Variants in GON4L observed in about 807,000 individuals in gnomAD.
The protein encoded by GON4L is gon-4 like.
GON4L carries 87 observed loss-of-function variants against 211.8 expected under a neutral mutation model. The observed-to-expected ratio is 0.41, with a 90% CI of 0.35 to 0.49. The LOEUF (loss-of-function observed/expected upper bound fraction) is 0.49. GON4L is among the 20% of genes least tolerant of loss of function. The pLI, the probability that GON4L is intolerant of heterozygous loss-of-function variation, is 0.15. For synonymous variants in GON4L, 875 were observed against 962.6 expected (o/e 0.91, Z 1.68); for missense variants, 2,155 against 2,659.5 (o/e 0.81, Z 4.17).
At chr1:155,773,454 T>A in intron 17 of GON4L, 2 of 523,256 alleles carry the variant, frequency 3.8e-6, no homozygotes, top group South Asian at 2.2e-5. Flanking sequence ...CTTTATTCAC[T>A]AAGTAAAACA....
chr1:155,849,143 CAAAAAAAAAAAAAAAAA>C (rs764161223), intron 2 of GON4L, among the ~76,000 whole-genome samples: 2 of 120,086 alleles, frequency 1.7e-5, no homozygotes, highest in Admixed American at 8.3e-5. Context: ...GACTCCATCT[CAAAAAAAAAAAAAAAAA>C]AAAAAAAAAA....
At chr1:155,752,763 A>G (rs922846487) in intron 29 of GON4L, among the ~76,000 whole-genome samples, 173 bp from the exon 30 acceptor site, 1 of 152,178 alleles carries the variant, frequency 6.6e-6, no homozygotes, top group Non-Finnish European at 1.5e-5. Flanking sequence ...TGGGACTGCC[A>G]GGGGTTTGAG....
chr1:155,801,039 AACCCACTCGGGTC>A (rs1666606766), intron 11 of GON4L, among the ~76,000 whole-genome samples: 2 of 148,914 alleles, frequency 1.3e-5, no homozygotes, highest in African/African-American at 5.0e-5. Flanking sequence ...GTCCTTGGGC[AACCCACTCGGGTC>A]CCCTACCACG....
intron 11 of GON4L, among the ~76,000 whole-genome samples, chr1:155,797,184 A>G (rs9426937): frequency 0.94 from 142,155 of 151,914 alleles, 67,270 homozygotes; most frequent in East Asian, 1. Flanking sequence ...GCTCGATCTC[A>G]GCTCACTGCA....
intron 2 of GON4L, among the ~76,000 whole-genome samples, chr1:155,851,635 G>C (rs1240533617): frequency 6.6e-6 from 1 of 151,742 alleles, no homozygotes; most frequent in Non-Finnish European, 1.5e-5. Flanking sequence ...AGAATCACTT[G>C]AACAGGGGAG....
chr1:155,745,335 C>T (rs1290357463), downstream of GON4L, among the ~76,000 whole-genome samples: 1 of 152,206 alleles, frequency 6.6e-6, no homozygotes, highest in Non-Finnish European at 1.5e-5. Flanking sequence ...GGTCAGTCCA[C>T]GGGGATCTGT....
intron 14 of GON4L, 22 bp from the exon 15 acceptor site, chr1:155,777,842 C>G (rs896802096): frequency 6.7e-7 from 1 of 1,497,390 alleles, no homozygotes; most frequent in Non-Finnish European, 9.3e-7. Flanking sequence ...AGGGAGATGA[C>G]TGAATTTGAG....
intron 6 of GON4L, among the ~76,000 whole-genome samples, chr1:155,819,760 G>A (rs1362312019): frequency 6.6e-6 from 1 of 152,196 alleles, no homozygotes; most frequent in Non-Finnish European, 1.5e-5. Context: ...CAAAGAGCTT[G>A]CTGCACAGAA....
rs1024838886 is a variant in GON4L, at chr1:155,795,610, T to C, written c.1646-459A>G. On this transcript the variant is annotated intron_variant, in intron 11 of 31. Transcript: ENST00000368331. ...GTGCAAACATGACTCTCAAAGGGAA[T>C]AGCCATTGGAGCATTTCAGATTTCA... 5.3e-5 allele frequency among the ~76,000 whole-genome samples: 8 copies of C among 151,860 alleles called. No homozygotes were observed. The East Asian group carries it at 9.7e-4, about 18-fold the overall frequency.
At position 155,766,148 on chromosome 1, in the gene GON4L, T is replaced by C; in HGVS notation, c.3325A>G (p.Lys1109Glu). ...CGTCTCACATATGGCTTTCGAAACT[T>C]AGAAGGGGCAAGGGAGGGCAGCATT... Reference protein sequence around the residue: ...KVMLPSLAPSKFRKPYVRRRP... With the variant: ...KVMLPSLAPSEFRKPYVRRRP... Residue 1109 changes from lysine (K) to glutamate (E), a missense_variant, in exon 21 of 32, where the codon AAG becomes GAG. Physicochemically the swap from Lys to Glu is moderately conservative, Grantham distance 56 (BLOSUM62 1). Coordinates refer to ENST00000368331, the MANE Select transcript of GON4L (RefSeq NM_001282860.2). The C allele has an allele frequency of 4.3e-6, 7 of 1,613,988 alleles. No individual in the cohort carries two copies. Among genetic ancestry groups the C allele is most frequent in the Non-Finnish European group, 5.9e-6 (7 of 1,179,984 alleles).
At position 155,777,766 on chromosome 1, in the gene GON4L, C is replaced by T; in HGVS notation, c.1947G>A (p.Glu649=). The change falls in exon 15 of 32, where the codon GAG becomes GAA. Residue 649 remains glutamate, a synonymous_variant. Transcript: ENST00000368331. Reference sequence around the variant, plus strand: ...TCTTCATCTTCAGCTGTTCAAATAGCTCCTTCACTGTCCGATGTTGTTCAT... The same window carrying T: ...TCTTCATCTTCAGCTGTTCAAATAGTTCCTTCACTGTCCGATGTTGTTCAT... ...LLNEQHRTVK[E]LFEQLKMKKS... is the part of the protein sequence containing the mutation. The T allele has an allele frequency of 1.2e-6, 2 of 1,613,598 alleles. No homozygotes were observed. The highest frequency in any genetic ancestry group is 1.7e-6 in the Non-Finnish European group (2 of 1,179,544).
At position 155,765,300 on chromosome 1, in the gene GON4L, T is replaced by C; in HGVS notation, c.4173A>G (p.Ser1391=). 3.1e-6 allele frequency: 5 copies of C among 1,614,204 alleles called. No individual in the cohort carries two copies. The South Asian group carries it at 4.4e-5, about 14-fold the overall frequency. The stretch of plus-strand genomic sequence containing the variant: ...CTTCATCAGGGGGCTCTTGAGAAGA[T>C]GAAGGGGTTTTAGTTGGCTGACTCC... The part of the protein sequence containing the change: ...EERSQPTKTP[S]SSQEPPDEGT... Residue 1391 remains serine, a synonymous_variant, in exon 21 of 32, where the codon TCA becomes TCG. Transcript: ENST00000368331.
At position 155,853,622 on chromosome 1, in the gene GON4L, A is replaced by G. The variant is rs144577873; in HGVS notation, c.159T>C (p.His53=). ...SSVSLSWDPS[H]GRVAGFEVQS... is the part of the protein sequence containing the mutation. Reference sequence around the variant, plus strand: ...GTACTTCGAAGCCAGCTACTCTGCCATGACTTGGATCCCAGGATAGTGACA... The same window carrying G: ...GTACTTCGAAGCCAGCTACTCTGCCGTGACTTGGATCCCAGGATAGTGACA... Residue 53 remains histidine (H), a synonymous_variant, in exon 2 of 32, where the codon CAT becomes CAC. Transcript: ENST00000368331. 25 of 1,614,056 alleles carry G rather than the reference A, an allele frequency of 1.5e-5. No individual in the cohort carries two copies. The highest frequency in any genetic ancestry group is 2.0e-5 in the Non-Finnish European group (24 of 1,180,010).
In GON4L at chr1:155,765,838, G is replaced by A; in HGVS notation, c.3635C>T (p.Ser1212Phe). 1.2e-6 allele frequency: 2 copies of A among 1,614,192 alleles called. No individual in the cohort carries two copies. Among genetic ancestry groups the A allele is most frequent in the Non-Finnish European group, 8.5e-7 (1 of 1,180,038 alleles). The stretch of plus-strand genomic sequence containing the variant: ...GGTGGATGGTATAGGAAGATTCACA[G>A]AATTGCCAGAAACAATTAAGGGTGA... The part of the protein sequence containing the change: ...SVSPLIVSGN[S>F]VNLPIPSTPE... The change falls in exon 21 of 32, where the codon TCT becomes TTT. Residue 1212 changes from serine to phenylalanine, a missense_variant. Ser to Phe is a radical substitution (Grantham distance 155, BLOSUM62 -2). This residue lies in a region of GON4L where 615 missense variants were observed against 625.7 expected (regional missense o/e 0.98). Coordinates refer to ENST00000368331, the MANE Select transcript of GON4L (RefSeq NM_001282860.2).
chr1:155,773,349 C>G, intron 17 of GON4L, 139 bp from the exon 18 acceptor site: 5 of 875,778 alleles, frequency 5.7e-6, no homozygotes, highest in East Asian at 5.3e-5. Flanking sequence ...ACCATCCCCC[C>G]AAAAGTTTCC....
chr1:155,760,550 GC>G lies in GON4L; in HGVS notation c.5002del (p.Ala1668LeufsTer2), dbSNP rs1661680880. On this transcript the variant is annotated frameshift_variant, in exon 24 of 32. Coordinates refer to ENST00000368331, the MANE Select transcript of GON4L (RefSeq NM_001282860.2). LOFTEE classifies it high-confidence loss of function. ...EFESSTQRRT[A>X]VDLYKSLQIL... ...TTGCAGGCTTTTGTAGAGATCTACA[GC>G]CGTCCGTCTCTGGGTACTTGACTCA... 6.2e-7 allele frequency: 1 copy of G among 1,612,434 alleles called. No homozygotes were observed. Among genetic ancestry groups the G allele is most frequent in the Non-Finnish European group, 8.5e-7 (1 of 1,178,594 alleles).
At chr1:155,756,863 A>T (rs1266784144) in intron 27 of GON4L, 95 bp downstream of exon 27, 1 of 841,440 alleles carries the variant, frequency 1.2e-6, no homozygotes, top group African/African-American at 1.7e-5. Context: ...TGGGAGGTGG[A>T]GGTTGCAGTG....
intron 19 of GON4L, 29 bp downstream of exon 19, chr1:155,771,038 C>A: frequency 6.2e-7 from 1 of 1,613,986 alleles, no homozygotes; most frequent in Non-Finnish European, 8.5e-7. Flanking sequence ...TGGTGAGGTG[C>A]CCGGATGGCG....
rs906922727 is a variant in GON4L at position 155,749,929 on chromosome 1, A to C, written c.*655T>G. 264 of 1,397,334 alleles carry C rather than the reference A, an allele frequency of 1.9e-4. No homozygotes were observed. Among genetic ancestry groups the C allele is most frequent in the Non-Finnish European group, 2.4e-4 (250 of 1,044,978 alleles). 86.6% of individuals were successfully genotyped at this position (1,397,334 alleles called of 1,614,324 possible). ...GTTTCCTCTCCCTCCACAGCAGTGG[A>C]GAGCATCCCAGTGTTTGGGGCACTG... On this transcript the variant is annotated 3_prime_UTR_variant, in exon 32 of 32. Coordinates refer to ENST00000368331, the MANE Select transcript of GON4L (RefSeq NM_001282860.2).
Sources: allele counts gnomAD v4.1 joint callset (sites outside exome capture counted in the v4.1 genomes callset), GRCh38; gene constraint gnomAD v4.1.1; regional missense constraint gnomAD v4.1.1; transcripts MANE v1.5; gene names NCBI Gene and HGNC (gene_info 2026-07-23, HGNC 2026-07-21).